The following CEP78 variants were observed in gnomAD, a reference collection of about 807,000 sequenced individuals.
CEP78 encodes centrosomal protein 78.
A neutral mutation model predicts 81.2 loss-of-function variants in CEP78; 76 were observed. The ratio of observed to expected loss-of-function variants is 0.94; its 90% confidence interval spans 0.78 to 1.13. The LOEUF (loss-of-function observed/expected upper bound fraction) is 1.13. Among genes scored for constraint, CEP78 ranks in the 50% most tolerant of loss-of-function variants. The probability of loss-of-function intolerance (pLI) is 0.00; values close to 1 mark genes in which losing one functional copy is unlikely to be tolerated. For missense variants in CEP78, 918 were observed against 846.8 expected, an observed-to-expected ratio of 1.08 and a Z score of -1.04; for synonymous variants, 293 against 301.4, an observed-to-expected ratio of 0.97 and a Z score of 0.29.
chr9:78,261,899 A>G (rs765791171), intron 11 of CEP78, among the ~76,000 whole-genome samples: 24 of 152,178 alleles, frequency 1.6e-4, no homozygotes, highest in Non-Finnish European at 2.9e-4. Flanking sequence ...CTGATTTTTC[A>G]AATGTGTTCT....
In CEP78 at chr9:78,249,689, TA is replaced by T. The variant is rs371465986; in HGVS notation, c.1069+817del. ...AGTCTTTAACTTTTGTAGAACACAT[TA>T]TCTTTAGTCATAAGTAGCCTTTTTT... On this transcript the variant is annotated intron_variant, in intron 8 of 16. Transcript: ENST00000643273. 180 of 152,202 alleles carry T rather than the reference TA, an allele frequency of 1.2e-3. 1 individual carries two copies. Among genetic ancestry groups the T allele is most frequent in the African/African-American group, 4.2e-3 (175 of 41,538 alleles). 9.4% of individuals were successfully genotyped at this position (152,202 alleles called of 1,614,324 possible).
chr9:78,236,389 G>T lies in CEP78; in HGVS notation c.39G>T (p.Ala13=). The T allele has an allele frequency of 6.3e-7, 1 of 1,592,172 alleles. No homozygotes were observed. The highest frequency in any genetic ancestry group is 2.3e-5 in the East Asian group (1 of 43,804). ...TGAAGCTGCGCCGCGACAGCGCGGC[G>T]GACTTCTTCTCCCACTACGAGTACC... is the stretch of plus-strand genomic sequence containing the variant. ...DSVKLRRDSA[A]DFFSHYEYLC... The change falls in exon 1 of 17, where the codon GCG becomes GCT. Residue 13 remains alanine, a synonymous_variant. Transcript: ENST00000643273.
chr9:78,239,300 A>G (rs964638023), intron 1 of CEP78, among the ~76,000 whole-genome samples: 2 of 152,128 alleles, frequency 1.3e-5, no homozygotes, highest in African/African-American at 4.8e-5. Flanking sequence ...TTCTCAGTTC[A>G]TCTGCCTACT....
intron 1 of CEP78, among the ~76,000 whole-genome samples, chr9:78,239,668 CG>C (rs1826126249): frequency 6.6e-6 from 1 of 152,172 alleles, no homozygotes; most frequent in South Asian, 2.1e-4. Context: ...GGGCTTTAGT[CG>C]GATCCACCTG....
intron 1 of CEP78, 174 bp downstream of exon 1, chr9:78,236,777 TG>T: frequency 1.3e-6 from 1 of 770,018 alleles, no homozygotes; most frequent in East Asian, 3.2e-5. Flanking sequence ...ATCCGTAACA[TG>T]GGCTTAATAA....
intron 4 of CEP78, 43 bp from the exon 5 acceptor site, chr9:78,243,419 C>G (rs749088706): frequency 6.5e-7 from 1 of 1,548,500 alleles, no homozygotes; most frequent in Non-Finnish European, 8.8e-7. Context: ...GTTCCTATCT[C>G]TTTATCCAAG....
chr9:78,252,404 G>C (rs965553409), intron 9 of CEP78, among the ~76,000 whole-genome samples: 3 of 152,192 alleles, frequency 2.0e-5, no homozygotes, highest in Admixed American at 6.5e-5. Flanking sequence ...GTAAAGCATA[G>C]GAAATTGTTC....
At chr9:78,250,863 A>G (rs984822277) in intron 8 of CEP78, among the ~76,000 whole-genome samples, 2 of 152,210 alleles carry the variant, frequency 1.3e-5, no homozygotes, top group Non-Finnish European at 2.9e-5. Context: ...TATTTATAAG[A>G]CGTGTATAAA....
chr9:78,243,409 G>A (rs542742909), intron 4 of CEP78, 53 bp from the exon 5 acceptor site: 1 of 1,487,514 alleles, frequency 6.7e-7, no homozygotes, highest in South Asian at 1.2e-5. Context: ...TCCTTTTAGT[G>A]TTCCTATCTC....
chr9:78,257,197 GA>G (rs1827077024), intron 11 of CEP78, among the ~76,000 whole-genome samples: 1 of 151,622 alleles, frequency 6.6e-6, no homozygotes, highest in Admixed American at 6.6e-5. Flanking sequence ...AGGAAAGAAA[GA>G]AATCCCAAGA....
chr9:78,253,527 C>T, intron 10 of CEP78: 1 of 394,462 alleles, frequency 2.5e-6, no homozygotes, highest in Non-Finnish European at 4.6e-6. Flanking sequence ...CAGCTGTTGC[C>T]TCCAGCAAAA....
Position 78,253,288 on chromosome 9 carries a change from AC to A in CEP78, c.1251+13del, listed in dbSNP as rs755485695. 2.4e-6 allele frequency: 3 copies of A among 1,241,296 alleles called. No individual in the cohort carries two copies. Among genetic ancestry groups the A allele is most frequent in the African/African-American group, 2.9e-5 (2 of 68,334 alleles). The allele number at this position is 1,241,296 out of a possible 1,614,324, so 76.9% of individuals were successfully genotyped here. ...TGTAATCAGTTGCAGGTACGTAGTT[AC>A]CATGTTTATAATATGTAGGGGATTG... On this transcript the variant is annotated intron_variant, in intron 10 of 16. Coordinates refer to ENST00000643273, the MANE Select transcript of CEP78 (RefSeq NM_001330691.3).
Position 78,243,614 on chromosome 9 carries a change from C to G in CEP78, c.756C>G (p.Leu252=). Residue 252 remains leucine (L), a synonymous_variant, in exon 5 of 17, where the codon CTC becomes CTG. Coordinates refer to ENST00000643273, the MANE Select transcript of CEP78 (RefSeq NM_001330691.3). ...DLGACAFADS[L]SEDLWLRALD... is the part of the protein sequence containing the mutation. ...GTGCATGTGCTTTTGCAGACTCTCT[C>G]AGTGAGGATTTATGGCTGAGAGGTA... The G allele has an allele frequency of 6.2e-7, 1 of 1,613,352 alleles. No individual in the cohort carries two copies. Among genetic ancestry groups the G allele is most frequent in the Admixed American group, 1.7e-5 (1 of 59,918 alleles).
intron 11 of CEP78, among the ~76,000 whole-genome samples, chr9:78,260,335 A>G (rs1827217130): frequency 6.6e-6 from 1 of 152,214 alleles, no homozygotes; most frequent in South Asian, 2.1e-4. Context: ...AAAGTTGGAA[A>G]CAGTCTTGTT....
At chr9:78,268,680 CTTTTTT>C (rs1221969870) in intron 16 of CEP78, among the ~76,000 whole-genome samples, 5 of 130,700 alleles carry the variant, frequency 3.8e-5, no homozygotes, top group African/African-American at 1.5e-4. Context: ...GGTTTCTTTT[CTTTTTT>C]TTTTTTTTTT....
At chr9:78,237,196 G>C (rs1204051094) in intron 1 of CEP78, among the ~76,000 whole-genome samples, 1 of 151,676 alleles carries the variant, frequency 6.6e-6, no homozygotes, top group South Asian at 2.1e-4. Flanking sequence ...AGCCAGGCTG[G>C]TCTCGAACTC....
In CEP78 at chr9:78,246,337, C is replaced by T. The variant is rs537056282; in HGVS notation, c.779-332C>T. 7.9e-4 allele frequency among the ~76,000 whole-genome samples: 120 copies of T among 152,236 alleles called. 1 individual carries two copies. The highest frequency in any genetic ancestry group is 1.4e-3 in the Non-Finnish European group (94 of 68,008). On this transcript the variant is annotated intron_variant, in intron 5 of 16. Transcript: ENST00000643273. ...AGAATTGGCCGGGCGAGGTGGCTCA[C>T]GCCTGTAATCCCAGCACTTTGGGAG...
intron 8 of CEP78, chr9:78,250,093 T>C: frequency 2.6e-6 from 1 of 390,186 alleles, no homozygotes; most frequent in Non-Finnish European, 4.5e-6. Context: ...TAGCTAGTGG[T>C]ATATAATTGG....
intron 5 of CEP78, among the ~76,000 whole-genome samples, chr9:78,244,835 T>C (rs2118190613): frequency 6.6e-6 from 1 of 152,346 alleles, no homozygotes; most frequent in Admixed American, 6.5e-5. Flanking sequence ...CTTTGATACG[T>C]GTTGTTGCCC....
Sources: gnomAD v4.1 joint callset for allele counts (sites outside exome capture counted in the v4.1 genomes callset) on GRCh38, gnomAD v4.1.1 for gene constraint, MANE v1.5 for transcripts, NCBI Gene and HGNC (gene_info 2026-07-23, HGNC 2026-07-21) for gene names.